The following DNAH17 variants were observed in gnomAD, a reference collection of about 807,000 sequenced individuals.
DNAH17 encodes the protein axonemal beta dynein heavy chain 17.
Under a neutral mutation model 485.6 loss-of-function variants are expected in DNAH17, and 376 were observed. The ratio of observed to expected loss-of-function variants is 0.77; its 90% CI spans 0.71 to 0.84. The LOEUF (loss-of-function observed/expected upper bound fraction) is 0.84, where lower values mean the gene tolerates loss of function less well. Among genes scored for constraint, DNAH17 ranks in the 40% least tolerant of loss-of-function variants. The probability of loss-of-function intolerance (pLI) is 0.00; values close to 1 mark genes in which losing one functional copy is unlikely to be tolerated. For missense variants in DNAH17, 6,370 were observed against 5,839.3 expected (o/e 1.09, Z -2.96); for synonymous variants, 3,031 against 2,405.9 (o/e 1.26, Z -7.60).
chr17:78,530,642 G>A (rs111543966), intron 20 of DNAH17, 130 bp from the exon 21 acceptor site: 41,501 of 1,086,362 alleles, frequency 0.038, 936 homozygotes, highest in African/African-American at 0.05. Flanking sequence ...CTGGGGCCAG[G>A]GTCAGCAAAG....
intron 73 of DNAH17, among the ~76,000 whole-genome samples, chr17:78,438,746 G>A (rs1246239447): frequency 6.6e-6 from 1 of 151,998 alleles, no homozygotes; most frequent in African/African-American, 2.4e-5. Flanking sequence ...TGATCCGCCT[G>A]CCTTGGCCTC....
rs776004237 is a variant in DNAH17 at position 78,507,450 on chromosome 17, G to C, written c.4584+8C>G. ...TGAAGTGCGTGGGAACCACCGGGCT[G>C]TGCTCACCTTGAATTCCTGGTTGAT... On this transcript the variant is annotated splice_region_variant and intron_variant, in intron 28 of 80. Transcript: ENST00000389840. The C allele has an allele frequency of 1.4e-5, 23 of 1,612,588 alleles. No homozygotes were observed. Among genetic ancestry groups the C allele is most frequent in the Non-Finnish European group, 1.9e-5 (22 of 1,178,708 alleles).
chr17:78,485,260 G>T, intron 47 of DNAH17: 1 of 642,544 alleles, frequency 1.6e-6, no homozygotes, highest in Non-Finnish European at 2.6e-6. Context: ...CTTGCTCTCC[G>T]TCACCTTTGG....
chr17:78,469,260 G>A (rs2088636405), intron 54 of DNAH17, among the ~76,000 whole-genome samples: 1 of 152,126 alleles, frequency 6.6e-6, no homozygotes, highest in South Asian at 2.1e-4. Context: ...TCCTGCCTCA[G>A]CCTCCCGAGT....
chr17:78,569,729 G>A (rs1457351777), intron 7 of DNAH17, among the ~76,000 whole-genome samples: 2 of 152,254 alleles, frequency 1.3e-5, no homozygotes, highest in African/African-American at 4.8e-5. Flanking sequence ...CAAGGCTGCA[G>A]CATAAATGGG....
chr17:78,425,251 G>C (rs558904545), intron 80 of DNAH17, 95 bp downstream of exon 80: 1 of 1,298,732 alleles, frequency 7.7e-7, no homozygotes, highest in Non-Finnish European at 1.1e-6. Context: ...CACAGCTCTT[G>C]AACAGCCTGT....
At chr17:78,538,023 C>A (rs1757090015) in intron 18 of DNAH17, among the ~76,000 whole-genome samples, 1 of 151,724 alleles carries the variant, frequency 6.6e-6, no homozygotes, top group Admixed American at 6.6e-5. Context: ...TGTCTGGAAC[C>A]CCAGCTACTC....
intron 54 of DNAH17, among the ~76,000 whole-genome samples, chr17:78,470,083 T>TC (rs1380102120): frequency 5.4e-5 from 8 of 146,852 alleles, no homozygotes; most frequent in Non-Finnish European, 1.5e-5. Context: ...TTTTTTTTTT[T>TC]TTTTTTTTGA....
chr17:78,554,902 A>C (rs1280140632), intron 14 of DNAH17, among the ~76,000 whole-genome samples: 1 of 152,104 alleles, frequency 6.6e-6, no homozygotes, highest in Non-Finnish European at 1.5e-5. Context: ...GCCCACCACC[A>C]AGCCCAGGTA....
At position 78,569,516 on chromosome 17, in the gene DNAH17, G is replaced by A. The variant is rs1037612996; in HGVS notation, c.1056C>T (p.Phe352=). The A allele has an allele frequency of 1.4e-5, 22 of 1,606,056 alleles. No individual in the cohort carries two copies. The highest frequency in any genetic ancestry group is 1.7e-5 in the Admixed American group (1 of 58,716). ...CCTTCAGCACCTCTTCCGGGCTCAG[G>A]AAGGTTCGTGTCTGGGCAAAAGAGA... ...CNQIIEMTRT[F]LSPEEVLKGL... is the part of the protein sequence containing the mutation. The change falls in exon 8 of 81, where the codon TTC becomes TTT. Residue 352 remains phenylalanine (F), a synonymous_variant. Coordinates refer to ENST00000389840, the MANE Select transcript of DNAH17 (RefSeq NM_173628.4).
chr17:78,427,789 T>C (rs1480949194), intron 77 of DNAH17, among the ~76,000 whole-genome samples: 1 of 152,000 alleles, frequency 6.6e-6, no homozygotes, highest in African/African-American at 2.4e-5. Context: ...CTGGCCAACA[T>C]GGTGAAACTG....
intron 31 of DNAH17, among the ~76,000 whole-genome samples, chr17:78,505,009 G>T (rs1291568353): frequency 7.1e-6 from 1 of 141,566 alleles, no homozygotes; most frequent in South Asian, 2.3e-4. Flanking sequence ...GGGTTCAAGC[G>T]ATTCTCCTGC....
At chr17:78,494,870 C>G in intron 39 of DNAH17, 50 bp from the exon 40 acceptor site, 1 of 1,571,808 alleles carries the variant, frequency 6.4e-7, no homozygotes. Context: ...CTTCCTGTGG[C>G]CAGCAGGCAG....
chr17:78,553,283 GTTTTTTTTTTTTTTT>G (rs60587420), intron 14 of DNAH17, among the ~76,000 whole-genome samples: 29 of 51,032 alleles, frequency 5.7e-4, no homozygotes, highest in East Asian at 4.7e-3. Flanking sequence ...AGGTTTTTGT[GTTTTTTTTTTTTTTT>G]TTTTTTTTTT....
intron 31 of DNAH17, 180 bp from the exon 32 acceptor site, chr17:78,503,191 T>A (rs867032639): frequency 3.9e-6 from 2 of 513,302 alleles, no homozygotes; most frequent in African/African-American, 7.0e-5. Context: ...TTTTTTTTTT[T>A]TTTTTTAAGA....
In DNAH17 at chr17:78,475,740, T is replaced by C. The variant is rs770222817; in HGVS notation, c.8248A>G (p.Met2750Val). The C allele has an allele frequency of 1.2e-5, 20 of 1,613,756 alleles. No homozygotes were observed. The East Asian group carries it at 3.3e-4, about 27-fold the overall frequency. Residue 2750 changes from methionine to valine, a missense_variant, in exon 53 of 81, where the codon ATG (methionine) becomes GTG (valine). Met to Val is a conservative substitution (Grantham distance 21). Coordinates refer to ENST00000389840, the MANE Select transcript of DNAH17 (RefSeq NM_173628.4). ...ACGAGGAGCTTGTTCAGAGGAGCCA[T>C]GTCGGTTACAGGAACATATTTGGGA... ...GDPKYVPVTD[M>V]APLNKLLVDV...
chr17:78,485,667 T>C lies in DNAH17; in HGVS notation c.7366A>G (p.Asn2456Asp), dbSNP rs1277007943. Residue 2456 changes from asparagine (N) to aspartate (D), a missense_variant, in exon 47 of 81, where the codon AAC (asparagine) becomes GAC (aspartate). Asn to Asp is a conservative substitution (Grantham distance 23). Transcript: ENST00000389840. Reference protein sequence around the residue: ...EKSWPVMLVGNAGTGKSVLMG... With the variant: ...EKSWPVMLVGDAGTGKSVLMG... ...AGCACCGACTTGCCCGTCCCCGCGT[T>C]CCCCACCAGCATCACCGGCCAGGAC... is the stretch of plus-strand genomic sequence containing the variant. The C allele has an allele frequency of 3.1e-6, 5 of 1,613,822 alleles. No individual in the cohort carries two copies. The highest frequency in any genetic ancestry group is 1.6e-4 in the Middle Eastern group (1 of 6,084).
intron 9 of DNAH17, among the ~76,000 whole-genome samples, chr17:78,568,604 G>C (rs1008819148): frequency 6.6e-6 from 1 of 151,630 alleles, no homozygotes; most frequent in Non-Finnish European, 1.5e-5. Flanking sequence ...GCTTTTTTTT[G>C]AAACAGGGTC....
chr17:78,487,830 C>G (rs1294861425), intron 44 of DNAH17, among the ~76,000 whole-genome samples: 2 of 152,174 alleles, frequency 1.3e-5, no homozygotes, highest in Non-Finnish European at 2.9e-5. Context: ...TGGCCAGACA[C>G]ACACTCTTCT....
Sources: allele counts gnomAD v4.1 joint callset (sites outside exome capture counted in the v4.1 genomes callset), GRCh38; gene constraint gnomAD v4.1.1; transcripts MANE v1.5; gene names NCBI Gene and HGNC (gene_info 2026-07-23, HGNC 2026-07-21).